Variants in YWHAZ observed in about 807,000 individuals in gnomAD.
YWHAZ encodes the protein 14-3-3 protein zeta/delta.
For synonymous variants in YWHAZ, 87 were observed against 103.6 expected, an observed-to-expected ratio of 0.84 and a Z score of 0.97; for missense variants, 79 against 284.8, an observed-to-expected ratio of 0.28 and a Z score of 5.20.
At position 100,948,107 on chromosome 8, in the gene YWHAZ, A is replaced by G; in HGVS notation, c.294+489T>C. ...AGAATTCAATGCAGGAAGAGGTTTCATAGTTGTGACGCCAGAGTTTTCTGC... is the reference window on the plus strand; with the variant it reads ...AGAATTCAATGCAGGAAGAGGTTTCGTAGTTGTGACGCCAGAGTTTTCTGC... On this transcript the variant is annotated intron_variant, in intron 2 of 5. Coordinates refer to ENST00000395958, the MANE Select transcript of YWHAZ (RefSeq NM_145690.3). The surrounding 1 kb of genome is among the most constrained non-coding windows in gnomAD (Gnocchi z 4.2). 2 of 1,535,010 alleles carry G rather than the reference A, an allele frequency of 1.3e-6. No homozygotes were observed. Among genetic ancestry groups the G allele is most frequent in the Non-Finnish European group, 8.7e-7 (1 of 1,146,708 alleles).
intron 2 of YWHAZ, among the ~76,000 whole-genome samples, chr8:100,940,442 T>C (rs1309358635): frequency 6.6e-6 from 1 of 152,230 alleles, no homozygotes; most frequent in Non-Finnish European, 1.5e-5. Context: ...TGCAGTACTT[T>C]TCCCTCTTTG....
intron 1 of YWHAZ, among the ~76,000 whole-genome samples, chr8:100,949,447 G>C (rs1161307446): frequency 6.6e-6 from 1 of 152,030 alleles, no homozygotes; most frequent in Non-Finnish European, 1.5e-5. Flanking sequence ...AAACCTACTA[G>C]ATCTCTGCAA....
rs1488443740 is a variant in YWHAZ, at chr8:100,924,475, T to C, written c.419-177A>G. Among the ~76,000 whole-genome samples, 3 of 151,914 alleles carry C rather than the reference T, an allele frequency of 2.0e-5. No homozygotes were observed. Among genetic ancestry groups the C allele is most frequent in the East Asian group, 3.9e-4 (2 of 5,178 alleles). ...AAGGGAGCTTTCTCCTGGTACACAC[T>C]AGCCATTGATCAATGTCAAGATAAA... On this transcript the variant is annotated intron_variant, in intron 3 of 5. Coordinates refer to ENST00000395958, the MANE Select transcript of YWHAZ (RefSeq NM_145690.3). The surrounding 1 kb of genome is among the most constrained non-coding windows in gnomAD (Gnocchi z 5.7).
rs1172862006 is a variant in YWHAZ, at chr8:100,948,827, G to A, written c.63C>T (p.Asp21=). Residue 21 remains aspartate, a synonymous_variant, in exon 2 of 6, where the codon GAC becomes GAT. Transcript: ENST00000395958. This position sits in a 1 kb window ranked among gnomAD's most constrained non-coding sequence, Gnocchi z 4.2. ...KLAEQAERYD[D]MAACMKSVTE... ...TTACAGACTTCATGCAGGCTGCCAT[G>A]TCATCATATCGCTCAGCCTGCTCGG... The A allele has an allele frequency of 1.0e-5, 16 of 1,599,134 alleles. No homozygotes were observed. Among genetic ancestry groups the A allele is most frequent in the Admixed American group, 1.7e-5 (1 of 59,998 alleles).
At chr8:100,939,373 T>C (rs1003409761) in intron 2 of YWHAZ, among the ~76,000 whole-genome samples, 3 of 152,112 alleles carry the variant, frequency 2.0e-5, no homozygotes, top group Admixed American at 2.0e-4. Context: ...TTTAAGAACA[T>C]CTAACGCTGG....
Position 100,918,181 on chromosome 8 carries a change from A to T in YWHAZ, c.*2512T>A, listed in dbSNP as rs956424975. On this transcript the variant is annotated 3_prime_UTR_variant, in exon 6 of 6. Coordinates refer to ENST00000395958, the MANE Select transcript of YWHAZ (RefSeq NM_145690.3). The stretch of plus-strand genomic sequence containing the variant: ...AACATGGTGAAACCCTGTCTCTACT[A>T]AAAACACAAAAATTAGCCAGGTGTG... 9 of 151,080 alleles carry T rather than the reference A, an allele frequency of 6.0e-5. No individual in the cohort carries two copies. Among genetic ancestry groups the T allele is most frequent in the African/African-American group, 2.2e-4 (9 of 41,050 alleles). The allele number at this position is 151,080 out of a possible 1,614,324, so 9.4% of individuals were successfully genotyped here.
intron 1 of YWHAZ, among the ~76,000 whole-genome samples, chr8:100,949,881 G>A (rs948433314): frequency 3.3e-5 from 5 of 152,088 alleles, no homozygotes; most frequent in Admixed American, 2.0e-4. Context: ...ATACCCTTTT[G>A]CAAGTTGCCG....
chr8:100,921,843 G>T (rs568179956), intron 5 of YWHAZ, among the ~76,000 whole-genome samples: 1 of 152,276 alleles, frequency 6.6e-6, no homozygotes, highest in African/African-American at 2.4e-5. Flanking sequence ...ACTCTCTAGT[G>T]ATTTTCAGAG....
chr8:100,951,382 G>A, intron 1 of YWHAZ: 2 of 983,714 alleles, frequency 2.0e-6, no homozygotes, highest in Non-Finnish European at 2.4e-6. Context: ...CCGCCGCAGC[G>A]CCCAGCGCGG....
intron 1 of YWHAZ, among the ~76,000 whole-genome samples, chr8:100,950,138 A>G (rs776805669): frequency 2.6e-5 from 4 of 152,242 alleles, no homozygotes; most frequent in African/African-American, 9.6e-5. Flanking sequence ...GATGCAAGGT[A>G]CTGGCTCAAT....
chr8:100,942,173 A>G (rs1809917009), intron 2 of YWHAZ, among the ~76,000 whole-genome samples: 1 of 152,216 alleles, frequency 6.6e-6, no homozygotes, highest in Admixed American at 6.5e-5. Flanking sequence ...CAGGTGTCAC[A>G]CAAAATGATC....
intron 2 of YWHAZ, among the ~76,000 whole-genome samples, chr8:100,937,888 T>C (rs1054503889): frequency 1.3e-5 from 2 of 152,174 alleles, no homozygotes; most frequent in African/African-American, 4.8e-5. Flanking sequence ...CCCAGCACTT[T>C]GGGAGGCCGA....
chr8:100,944,625 A>T (rs2130325628), intron 2 of YWHAZ, among the ~76,000 whole-genome samples: 1 of 152,328 alleles, frequency 6.6e-6, no homozygotes. Flanking sequence ...AAAAATACAC[A>T]ATTTTAAAGG....
intron 2 of YWHAZ, among the ~76,000 whole-genome samples, chr8:100,936,105 T>G (rs1814129247): frequency 6.6e-6 from 1 of 152,198 alleles, no homozygotes; most frequent in African/African-American, 2.4e-5. Context: ...ACCACCGTGC[T>G]ATGTGCTGAG....
intron 2 of YWHAZ, among the ~76,000 whole-genome samples, chr8:100,926,652 G>T (rs182656018): frequency 5.9e-5 from 9 of 152,202 alleles, no homozygotes; most frequent in African/African-American, 1.9e-4. Flanking sequence ...ATTACTGGCC[G>T]GAAATCAGAA....
In YWHAZ at chr8:100,918,399, ATAAT is replaced by A. The variant is rs1444666650; in HGVS notation, c.*2290_*2293del. ...CACCTCTTCAGTCTAGCTATAAAAT[ATAAT>A]TACTTTATATATATATATATATATA... On this transcript the variant is annotated 3_prime_UTR_variant, in exon 6 of 6. Coordinates refer to ENST00000395958, the MANE Select transcript of YWHAZ (RefSeq NM_145690.3). 1 of 53,840 alleles carries A rather than the reference ATAAT, an allele frequency of 1.9e-5. No individual in the cohort carries two copies. The highest frequency in any genetic ancestry group is 8.2e-4 in the South Asian group (1 of 1,222). The allele number at this position is 53,840 out of a possible 1,614,324, so 3.3% of individuals were successfully genotyped here.
At chr8:100,937,865 T>C (rs1216832311) in intron 2 of YWHAZ, among the ~76,000 whole-genome samples, 4 of 152,252 alleles carry the variant, frequency 2.6e-5, no homozygotes, top group Admixed American at 6.5e-5. Context: ...GTGCAGTGAC[T>C]CATGCCGGTA....
At chr8:100,951,252 G>C in intron 1 of YWHAZ, 1 of 984,746 alleles carries the variant, frequency 1.0e-6, no homozygotes, top group Non-Finnish European at 1.2e-6. Context: ...GCGCCGCCGC[G>C]CCAGGCCTGG....
chr8:100,949,353 G>A (rs1185089050), intron 1 of YWHAZ, among the ~76,000 whole-genome samples: 3 of 152,050 alleles, frequency 2.0e-5, no homozygotes, highest in African/African-American at 7.3e-5. Context: ...ATTCATATCA[G>A]TTTAATGTAA....
Sources: gnomAD v4.1 joint callset for allele counts (sites outside exome capture counted in the v4.1 genomes callset) on GRCh38, gnomAD v4.1.1 for gene constraint, Gnocchi (gnomAD v3.1) non-coding constraint, MANE v1.5 for transcripts, NCBI Gene and HGNC (gene_info 2026-07-23, HGNC 2026-07-21) for gene names.